The following DLEC1 variants were observed in gnomAD, a reference collection of about 807,000 sequenced individuals.
DLEC1 encodes the protein deleted in lung and esophageal cancer protein 1.
In DLEC1, 146 loss-of-function variants were observed where a neutral mutation model predicts 198.1. That is an observed-to-expected ratio of 0.74 (90% CI 0.64 to 0.85). The LOEUF (loss-of-function observed/expected upper bound fraction) is 0.85. DLEC1 is among the 40% of genes least tolerant of loss of function. The probability of loss-of-function intolerance (pLI) is 0.00; values close to 1 mark genes in which losing one functional copy is unlikely to be tolerated. For synonymous variants in DLEC1, 897 were observed against 866.8 expected, an observed-to-expected ratio of 1.03 and a Z score of -0.61; for missense variants, 2,233 against 2,220.0, an observed-to-expected ratio of 1.01 and a Z score of -0.12.
intron 7 of DLEC1, 138 bp downstream of exon 7, chr3:38,084,383 AGTAGTG>A (rs1698257391): frequency 6.0e-6 from 3 of 504,090 alleles, no homozygotes; most frequent in South Asian, 2.5e-5. Context: ...TGATGGTGGT[AGTAGTG>A]GTAGTAGTAG....
In DLEC1 at chr3:38,088,280, TCTG is replaced by T. The variant is rs551840297; in HGVS notation, c.1573-13_1573-11del. ...CAATGTCTTCCACACTGTTGGGTAATCTGCTTTTCTTTAAGGCCATTGCAACCG... is the reference window on the plus strand; with the variant it reads ...CAATGTCTTCCACACTGTTGGGTAATCTTTTCTTTAAGGCCATTGCAACCG... On this transcript the variant is annotated splice_polypyrimidine_tract_variant and intron_variant, in intron 9 of 36. Transcript: ENST00000308059. 3.0e-5 allele frequency: 48 copies of T among 1,610,330 alleles called. No homozygotes were observed. The African/African-American group carries it at 5.5e-4, about 18-fold the overall frequency.
chr3:38,068,137 C>T (rs1399169148), intron 6 of DLEC1, among the ~76,000 whole-genome samples: 1 of 152,186 alleles, frequency 6.6e-6, no homozygotes, highest in Non-Finnish European at 1.5e-5. Flanking sequence ...GTAAGTTGCA[C>T]AGCACTACAT....
intron 1 of DLEC1, among the ~76,000 whole-genome samples, chr3:38,040,253 C>T (rs137884824): frequency 1.4e-4 from 22 of 152,272 alleles, no homozygotes; most frequent in African/African-American, 4.8e-4. Context: ...CTGTTCTGTC[C>T]TCTACCTGCC....
chr3:38,085,190 G>T, intron 7 of DLEC1, 84 bp from the exon 8 acceptor site: 1 of 1,486,904 alleles, frequency 6.7e-7, no homozygotes, highest in Non-Finnish European at 9.3e-7. Flanking sequence ...AGCCCTGGCA[G>T]GGCTGGGGTC....
Position 38,107,612 on chromosome 3 carries a change from A to G in DLEC1, c.2893A>G (p.Lys965Glu). 1 of 1,613,248 alleles carries G rather than the reference A, an allele frequency of 6.2e-7. No individual in the cohort carries two copies. Among genetic ancestry groups the G allele is most frequent in the African/African-American group, 1.3e-5 (1 of 75,028 alleles). ...CCTTCCTGTGTATGCTGAGGTACAG[A>G]AGCCCCATGTGTACCTACAGAGCAG... ...SYLPVYAEVQKPHVYLQSSQV... is the reference protein window; with the variant it reads ...SYLPVYAEVQEPHVYLQSSQV... Residue 965 changes from lysine (K) to glutamate (E), a missense_variant, in exon 20 of 37, where the codon AAG becomes GAG. Transcript: ENST00000308059.
intron 28 of DLEC1, 27 bp downstream of exon 28, chr3:38,116,685 G>T (rs781464295): frequency 6.2e-7 from 1 of 1,612,698 alleles, no homozygotes; most frequent in Admixed American, 1.7e-5. Flanking sequence ...GGGCGGGGCA[G>T]GCTGGCCACT....
intron 1 of DLEC1, among the ~76,000 whole-genome samples, chr3:38,040,603 T>C (rs1337989966): frequency 6.6e-6 from 1 of 152,204 alleles, no homozygotes; most frequent in Non-Finnish European, 1.5e-5. Flanking sequence ...GGTCACCACA[T>C]TCACTCTGCT....
chr3:38,092,833 T>A lies in DLEC1; in HGVS notation c.1709T>A (p.Phe570Tyr), dbSNP rs373775734. Residue 570 changes from phenylalanine to tyrosine, a missense_variant, in exon 11 of 37, where the codon TTC (phenylalanine) becomes TAC (tyrosine). Physicochemically the swap from Phe to Tyr is conservative, Grantham distance 22. Coordinates refer to ENST00000308059, the MANE Select transcript of DLEC1 (RefSeq NM_007335.4). ...AGCCTAGGAAAGGCAGAGCAGACCT[T>A]CATCATCATGTGCGACAACTGCCAG... ...PKSLGKAEQT[F>Y]IIMCDNCQIK... The A allele has an allele frequency of 4.3e-6, 7 of 1,613,530 alleles. No homozygotes were observed. The highest frequency in any genetic ancestry group is 1.6e-4 in the Middle Eastern group (1 of 6,082).
intron 2 of DLEC1, among the ~76,000 whole-genome samples, chr3:38,058,657 A>C (rs1442988755): frequency 6.6e-6 from 1 of 152,196 alleles, no homozygotes; most frequent in African/African-American, 2.4e-5. Flanking sequence ...CCACCTGTAC[A>C]TTATAAATTT....
chr3:38,071,075 G>T (rs542520821), intron 6 of DLEC1, among the ~76,000 whole-genome samples: 1 of 152,182 alleles, frequency 6.6e-6, no homozygotes, highest in Non-Finnish European at 1.5e-5. Flanking sequence ...TTGGGGCAGC[G>T]TGGGAACCTA....
In DLEC1 at chr3:38,086,187, G is replaced by T. The variant is rs1311044359; in HGVS notation, c.1436-54G>T. ...ACCTCAGGAGAAGCATGACAGTAGG[G>T]CCTATTAAGAGTGACCTGTTGTTTC... On this transcript the variant is annotated intron_variant, in intron 8 of 36. Coordinates refer to ENST00000308059, the MANE Select transcript of DLEC1 (RefSeq NM_007335.4). 5 of 1,560,172 alleles carry T rather than the reference G, an allele frequency of 3.2e-6. No individual in the cohort carries two copies. The African/African-American group carries it at 5.4e-5, about 17-fold the overall frequency.
In DLEC1 at chr3:38,062,791, C is replaced by T; in HGVS notation, c.1084C>T (p.Pro362Ser). Residue 362 changes from proline to serine, a missense_variant, in exon 5 of 37, where the codon CCA (proline) becomes TCA (serine). Coordinates refer to ENST00000308059, the MANE Select transcript of DLEC1 (RefSeq NM_007335.4). ...GATAGGAGAATTCCAGAGTACAGAG[C>T]CAGAACAGAGGTATGTCTTTCTCTG... The part of the protein sequence containing the change: ...APIGEFQSTE[P>S]EQSCADTPVF... The T allele has an allele frequency of 1.9e-6, 3 of 1,613,716 alleles. No individual in the cohort carries two copies. Among genetic ancestry groups the T allele is most frequent in the Non-Finnish European group, 2.5e-6 (3 of 1,179,886 alleles).
chr3:38,074,539 A>C (rs941348916), intron 6 of DLEC1, among the ~76,000 whole-genome samples: 2 of 152,226 alleles, frequency 1.3e-5, no homozygotes, highest in African/African-American at 2.4e-5. Flanking sequence ...CAGAATTAAC[A>C]GCTTTGTAAG....
At chr3:38,068,545 T>C (rs950214059) in intron 6 of DLEC1, among the ~76,000 whole-genome samples, 1 of 152,232 alleles carries the variant, frequency 6.6e-6, no homozygotes, top group South Asian at 2.1e-4. Context: ...TCATCTCTAA[T>C]GAGAACAGTG....
chr3:38,089,605 T>C (rs948112812), intron 10 of DLEC1, among the ~76,000 whole-genome samples: 10 of 152,146 alleles, frequency 6.6e-5, no homozygotes, highest in African/African-American at 2.4e-4. Flanking sequence ...CAGGCCAGGT[T>C]CTCTGTTCTC....
chr3:38,122,165 C>T lies in DLEC1; in HGVS notation c.5115C>T (p.Ser1705=), dbSNP rs1700509268. Residue 1705 remains serine (S), a synonymous_variant, in exon 36 of 37, where the codon TCC becomes TCT. Coordinates refer to ENST00000308059, the MANE Select transcript of DLEC1 (RefSeq NM_007335.4). ...GATCCGCCAATGCACCCCCAACCTC[C>T]ATCGCCTTGCAGGTTTTCTTCACTG... ...EARSANAPPT[S]IALQVFFTAR... 2 of 1,614,034 alleles carry T rather than the reference C, an allele frequency of 1.2e-6. No individual in the cohort carries two copies. The highest frequency in any genetic ancestry group is 1.1e-5 in the South Asian group (1 of 91,094).
intron 5 of DLEC1, among the ~76,000 whole-genome samples, chr3:38,063,635 T>C (rs1463621901): frequency 1.3e-5 from 2 of 152,266 alleles, no homozygotes; most frequent in African/African-American, 2.4e-5. Flanking sequence ...TAGCTACTTA[T>C]GTCTTCACAA....
intron 19 of DLEC1, among the ~76,000 whole-genome samples, chr3:38,104,885 G>C (rs1026263695): frequency 2.6e-5 from 4 of 151,986 alleles, no homozygotes; most frequent in Non-Finnish European, 5.9e-5. Flanking sequence ...TAAAAGCTGA[G>C]GTTTTTGATT....
intron 7 of DLEC1, 76 bp downstream of exon 7, chr3:38,084,321 G>A: frequency 7.4e-7 from 1 of 1,350,170 alleles, no homozygotes. Flanking sequence ...AGTAGTAGTG[G>A]TGGTAGTAAT....
Sources: gnomAD v4.1 joint callset for allele counts (sites outside exome capture counted in the v4.1 genomes callset) on GRCh38, gnomAD v4.1.1 for gene constraint, MANE v1.5 for transcripts, NCBI Gene and HGNC (gene_info 2026-07-23, HGNC 2026-07-21) for gene names.